Variants in IQCJ observed in about 807,000 individuals in gnomAD.
IQCJ encodes the protein IQ domain-containing protein J.
Under a neutral mutation model 11.0 loss-of-function variants are expected in IQCJ, and 9 were observed. The ratio of observed to expected loss-of-function variants is 0.82; its 90% CI spans 0.49 to 1.43. The LOEUF (loss-of-function observed/expected upper bound fraction) is 1.43, where lower values mean the gene tolerates loss of function less well. Ranked by LOEUF, IQCJ falls within the 40% of genes most tolerant of loss-of-function variation. The probability of loss-of-function intolerance (pLI) is 0.00; values close to 1 mark genes in which losing one functional copy is unlikely to be tolerated. For synonymous variants in IQCJ, 55 were observed against 51.3 expected (o/e 1.07, Z -0.31); for missense variants, 146 against 133.2 (o/e 1.10, Z -0.47).
At chr3:159,216,726 A>G (rs1292277741) in intron 1 of IQCJ, among the ~76,000 whole-genome samples, 1 of 152,170 alleles carries the variant, frequency 6.6e-6, no homozygotes, top group Admixed American at 6.5e-5. Context: ...GTAGAAATGC[A>G]CAGTCCATTT....
intron 1 of IQCJ, among the ~76,000 whole-genome samples, chr3:159,178,722 T>C (rs965543804): frequency 6.6e-6 from 1 of 152,172 alleles, no homozygotes; most frequent in Non-Finnish European, 1.5e-5. Flanking sequence ...TTAATAGCTT[T>C]AGAGTACATT....
rs191985874 is a variant in IQCJ, at chr3:159,221,001, C to T, written c.10-24842C>T. Among the ~76,000 whole-genome samples the T allele has an allele frequency of 1.9e-4, 29 of 152,034 alleles. No homozygotes were observed. In the East Asian group the frequency reaches 4.6e-3, roughly 24 times the overall value. On this transcript the variant is annotated intron_variant, in intron 1 of 3. Coordinates refer to ENST00000397832, the MANE Select transcript of IQCJ (RefSeq NM_001042706.3). Reference sequence around the variant, plus strand: ...CTAACATTACAAGGGAATATATGTGCCATGGAGAGAATAAATGTAAGGTTG... The same window carrying T: ...CTAACATTACAAGGGAATATATGTGTCATGGAGAGAATAAATGTAAGGTTG...
intron 1 of IQCJ, among the ~76,000 whole-genome samples, chr3:159,207,754 T>C (rs1724736444): frequency 6.6e-6 from 1 of 152,200 alleles, no homozygotes. Flanking sequence ...TGAAAACATT[T>C]GTGGTAGTTC....
rs1338083198 is a variant in IQCJ at position 159,150,000 on chromosome 3, C to G, written c.9+80559C>G. The stretch of plus-strand genomic sequence containing the variant: ...CTCTTCTTTGCACTGTCTCTTTTGC[C>G]TAAAATGCCTAGCACTTCCCACCCA... On this transcript the variant is annotated intron_variant, in intron 1 of 3. Transcript: ENST00000397832. Among the ~76,000 whole-genome samples, 2 of 152,150 alleles carry G rather than the reference C, an allele frequency of 1.3e-5. 1 individual carries two copies. Among genetic ancestry groups the G allele is most frequent in the Middle Eastern group, 6.3e-3 (2 of 316 alleles).
intron 1 of IQCJ, among the ~76,000 whole-genome samples, chr3:159,124,606 A>G (rs1044589234): frequency 3.3e-5 from 5 of 151,648 alleles, no homozygotes; most frequent in Admixed American, 3.3e-4. Context: ...TGCACTCCTC[A>G]CTGTTTGGAT....
chr3:159,166,967 C>T (rs1453985667), intron 1 of IQCJ, among the ~76,000 whole-genome samples: 1 of 152,130 alleles, frequency 6.6e-6, no homozygotes, highest in African/African-American at 2.4e-5. Flanking sequence ...TTAATCCTGC[C>T]TATATCATAA....
intron 1 of IQCJ, among the ~76,000 whole-genome samples, chr3:159,103,658 T>G (rs1431216222): frequency 2.0e-5 from 3 of 152,238 alleles, no homozygotes; most frequent in Non-Finnish European, 1.5e-5. Flanking sequence ...TGGATATTTC[T>G]CATAGAAACT....
chr3:159,145,989 G>A (rs1051105392), intron 1 of IQCJ, among the ~76,000 whole-genome samples: 1 of 152,190 alleles, frequency 6.6e-6, no homozygotes, highest in Non-Finnish European at 1.5e-5. Flanking sequence ...GCTACATGAA[G>A]TAGATTTGGG....
intron 1 of IQCJ, among the ~76,000 whole-genome samples, chr3:159,159,917 C>T (rs1721742654): frequency 6.6e-6 from 1 of 152,116 alleles, no homozygotes; most frequent in African/African-American, 2.4e-5. Context: ...CTTCCTGAGG[C>T]CCTCACTAGA....
intron 1 of IQCJ, among the ~76,000 whole-genome samples, chr3:159,109,010 T>C (rs564093874): frequency 6.6e-6 from 1 of 152,312 alleles, no homozygotes; most frequent in Non-Finnish European, 1.5e-5. Flanking sequence ...CATTATCTAA[T>C]TTAATTCTTC....
At chr3:159,140,803 G>A (rs1720558734) in intron 1 of IQCJ, among the ~76,000 whole-genome samples, 4 of 152,274 alleles carry the variant, frequency 2.6e-5, no homozygotes, top group Admixed American at 6.5e-5. Context: ...CACAACAAAT[G>A]AGCCCACCAA....
intron 1 of IQCJ, among the ~76,000 whole-genome samples, chr3:159,102,147 C>T (rs207463950): frequency 6.6e-6 from 1 of 152,314 alleles, no homozygotes; most frequent in East Asian, 1.9e-4. Flanking sequence ...ACTTTGAGTG[C>T]TGTACATCAG....
chr3:159,242,401 TG>T (rs1726978396), intron 1 of IQCJ, among the ~76,000 whole-genome samples: 1 of 152,190 alleles, frequency 6.6e-6, no homozygotes, highest in African/African-American at 2.4e-5. Flanking sequence ...AGCAGCTCCA[TG>T]GTTTCATCAG....
chr3:159,204,908 G>A (rs774388792), intron 1 of IQCJ, among the ~76,000 whole-genome samples: 9 of 152,202 alleles, frequency 5.9e-5, no homozygotes, highest in Non-Finnish European at 1.0e-4. Flanking sequence ...TTGATGCTTT[G>A]AAGGGGTAGC....
chr3:159,127,030 T>C (rs1016068745), intron 1 of IQCJ, among the ~76,000 whole-genome samples: 1 of 152,212 alleles, frequency 6.6e-6, no homozygotes, highest in Non-Finnish European at 1.5e-5. Flanking sequence ...TGCTTTTGGC[T>C]CCTGTGTGGC....
chr3:159,252,335 G>A (rs753987644), intron 2 of IQCJ, among the ~76,000 whole-genome samples: 45 of 152,360 alleles, frequency 3.0e-4, no homozygotes, highest in Admixed American at 9.1e-4. Context: ...TCCAGTGGCA[G>A]TGGTACTACT....
chr3:159,261,241 A>G (rs2108234575), intron 3 of IQCJ, among the ~76,000 whole-genome samples: 1 of 152,334 alleles, frequency 6.6e-6, no homozygotes, highest in South Asian at 2.1e-4. Context: ...TAGTGATAGA[A>G]TTAATACAGC....
chr3:159,178,256 T>C (rs1483603588), intron 1 of IQCJ, among the ~76,000 whole-genome samples: 1 of 152,134 alleles, frequency 6.6e-6, no homozygotes, highest in Admixed American at 6.5e-5. Flanking sequence ...CTAGCAGCAA[T>C]AGAAAGGAAA....
chr3:159,091,670 GCATGCACACACACACACACA>G (rs1421204864), intron 1 of IQCJ, among the ~76,000 whole-genome samples: 13 of 62,482 alleles, frequency 2.1e-4, no homozygotes, highest in East Asian at 9.5e-4. Context: ...ACACACACAC[GCATGCACACACACACACACA>G]CACACACACA....
Sources: gnomAD v4.1 joint callset for allele counts (sites outside exome capture counted in the v4.1 genomes callset) on GRCh38, gnomAD v4.1.1 for gene constraint, MANE v1.5 for transcripts, NCBI Gene and HGNC (gene_info 2026-07-23, HGNC 2026-07-21) for gene names.